NME7: variants seen among roughly 807,000 people sequenced by gnomAD.
NME7 encodes NME/NM23 family member 7, also known as nucleoside diphosphate kinase 7.
Under a neutral mutation model 49.1 loss-of-function variants are expected in NME7, and 41 were observed. The ratio of observed to expected loss-of-function variants is 0.83; its 90% confidence interval spans 0.65 to 1.08. The LOEUF (loss-of-function observed/expected upper bound fraction) is 1.08. NME7 is among the 50% of genes least tolerant of loss of function. The pLI is 0.00. For synonymous variants in NME7, 139 were observed against 150.6 expected (o/e 0.92, Z 0.56); for missense variants, 423 against 463.4 (o/e 0.91, Z 0.80).
At chr1:169,220,405 T>C (rs1661106238) in intron 10 of NME7, among the ~76,000 whole-genome samples, 1 of 152,172 alleles carries the variant, frequency 6.6e-6, no homozygotes, top group Non-Finnish European at 1.5e-5. Flanking sequence ...TTTCCTGGGA[T>C]TGGGGGATTT....
intron 11 of NME7, among the ~76,000 whole-genome samples, chr1:169,159,113 TG>T (rs1226532701): frequency 6.6e-6 from 1 of 152,060 alleles, no homozygotes; most frequent in African/African-American, 2.4e-5. Context: ...AGCTGTTGGG[TG>T]AGGGCTCTGG....
intron 7 of NME7, among the ~76,000 whole-genome samples, chr1:169,267,064 T>A (rs968979228): frequency 1.5e-5 from 2 of 132,832 alleles, no homozygotes; most frequent in African/African-American, 5.1e-5. Context: ...TGAAACTGTG[T>A]CTCAAAAAAC....
At chr1:169,293,104 G>A (rs1040990117) in intron 6 of NME7, among the ~76,000 whole-genome samples, 1 of 151,796 alleles carries the variant, frequency 6.6e-6, no homozygotes, top group African/African-American at 2.4e-5. Flanking sequence ...AGACCAGACT[G>A]GGCAATATCA....
At chr1:169,349,922 G>A (rs922895810) in intron 1 of NME7, among the ~76,000 whole-genome samples, 1 of 152,138 alleles carries the variant, frequency 6.6e-6, no homozygotes. Context: ...CCTCCATGGT[G>A]TCTCATGCCT....
At chr1:169,326,375 G>A (rs1652058383) in intron 1 of NME7, among the ~76,000 whole-genome samples, 1 of 152,202 alleles carries the variant, frequency 6.6e-6, no homozygotes, top group African/African-American at 2.4e-5. Flanking sequence ...GATTTGGAGA[G>A]CTTTTAAGGC....
intron 11 of NME7, among the ~76,000 whole-genome samples, chr1:169,168,077 G>T (rs914763048): frequency 6.6e-6 from 1 of 152,136 alleles, no homozygotes; most frequent in Non-Finnish European, 1.5e-5. Flanking sequence ...AACTGGTGAC[G>T]AGCGGCTTCT....
At chr1:169,136,853 A>G (rs1010584770) in intron 11 of NME7, among the ~76,000 whole-genome samples, 7 of 152,210 alleles carry the variant, frequency 4.6e-5, no homozygotes, top group African/African-American at 1.7e-4. Flanking sequence ...TCATTAGTGT[A>G]TCAGACACTT....
intron 7 of NME7, chr1:169,285,505 C>T (rs1004789862): frequency 2.0e-5 from 3 of 152,006 alleles, no homozygotes; most frequent in Non-Finnish European, 4.4e-5. Context: ...TTTTTTGTGG[C>T]TATTGCTATT....
intron 10 of NME7, among the ~76,000 whole-genome samples, chr1:169,194,797 C>A (rs1202594344): frequency 1.3e-5 from 2 of 152,110 alleles, no homozygotes; most frequent in South Asian, 2.1e-4. Context: ...ATGTTAGGGG[C>A]AGAGTCAGAA....
chr1:169,143,273 C>CTTT (rs71299493), intron 11 of NME7, among the ~76,000 whole-genome samples: 3 of 98,170 alleles, frequency 3.1e-5, no homozygotes, highest in Admixed American at 1.1e-4. Flanking sequence ...TCACCTCAGG[C>CTTT]TTTTTTTTTT....
At chr1:169,252,630 G>A (rs375323213) in intron 7 of NME7, among the ~76,000 whole-genome samples, 5 of 152,090 alleles carry the variant, frequency 3.3e-5, no homozygotes, top group East Asian at 3.9e-4. Context: ...ACATGAAGTC[G>A]TCGCCTATGC....
chr1:169,235,308 A>C (rs770555121), intron 8 of NME7, 109 bp from the exon 9 acceptor site: 16 of 535,276 alleles, frequency 3.0e-5, no homozygotes, highest in Non-Finnish European at 4.9e-5. Flanking sequence ...ACTCTAAAAC[A>C]TAAACTTTAC....
rs1299360612 is a variant in NME7 at position 169,355,031 on chromosome 1, TATATA to T, written c.3+12672_3+12676del. 2.0e-3 allele frequency among the ~76,000 whole-genome samples: 146 copies of T among 74,346 alleles called. 36 individuals carry two copies. The East Asian group carries it at 0.081, about 41-fold the overall frequency. The allele number at this position is 74,346 out of a possible 152,430, so 48.8% of individuals were successfully genotyped here. ...GTTTATATATAATATAATTATATAT[TATATA>T]TTATAGATATAATATATAATATACT... On this transcript the variant is annotated intron_variant, in intron 1 of 11. Transcript: ENST00000367811.
At chr1:169,205,542 C>T (rs574510577) in intron 10 of NME7, among the ~76,000 whole-genome samples, 24 of 152,166 alleles carry the variant, frequency 1.6e-4, no homozygotes, top group Admixed American at 2.6e-4. Flanking sequence ...TCCTCACAAC[C>T]GGCTTATTCT....
At chr1:169,345,784 T>C (rs1266873602) in intron 1 of NME7, among the ~76,000 whole-genome samples, 1 of 152,178 alleles carries the variant, frequency 6.6e-6, no homozygotes, top group African/African-American at 2.4e-5. Flanking sequence ...GTTGCATATA[T>C]CTATCCAACT....
chr1:169,200,843 C>T (rs190873128), intron 10 of NME7, among the ~76,000 whole-genome samples: 1 of 152,312 alleles, frequency 6.6e-6, no homozygotes, highest in East Asian at 1.9e-4. Flanking sequence ...GCAGTGTGCA[C>T]TGTCCTCTTG....
chr1:169,246,173 G>GT (rs1460487379), intron 7 of NME7, among the ~76,000 whole-genome samples: 1 of 152,142 alleles, frequency 6.6e-6, no homozygotes, highest in South Asian at 2.1e-4. Context: ...AGGTATGATG[G>GT]TGTGTGCCTG....
chr1:169,169,679 G>T, intron 10 of NME7, 125 bp from the exon 11 acceptor site: 1 of 773,366 alleles, frequency 1.3e-6, no homozygotes, highest in Non-Finnish European at 2.0e-6. Context: ...TGCTTATAAG[G>T]GTTTTTCTGT....
At chr1:169,324,293 C>T (rs1651967590) in intron 2 of NME7, 100 bp downstream of exon 2, 2 of 667,518 alleles carry the variant, frequency 3.0e-6, no homozygotes, top group Admixed American at 2.6e-5. Flanking sequence ...TACACACACA[C>T]ATACATATAA....
Sources: gnomAD v4.1 joint callset for allele counts (sites outside exome capture counted in the v4.1 genomes callset) on GRCh38, gnomAD v4.1.1 for gene constraint, MANE v1.5 for transcripts, NCBI Gene and HGNC (gene_info 2026-07-23, HGNC 2026-07-21) for gene names.